Variants in GALNTL6 observed in about 807,000 individuals in gnomAD.
GALNTL6 encodes the protein polypeptide N-acetylgalactosaminyltransferase like 6.
Under a neutral mutation model 73.7 loss-of-function variants are expected in GALNTL6, and 46 were observed. That is an observed-to-expected ratio of 0.62 (90% CI 0.49 to 0.80). The LOEUF is 0.80. Among genes scored for constraint, GALNTL6 ranks in the 30% least tolerant of loss-of-function variants. GALNTL6 has a pLI of 0.00. For missense variants in GALNTL6, 604 were observed against 755.0 expected, an observed-to-expected ratio of 0.80 and a Z score of 2.34; for synonymous variants, 259 against 263.7, an observed-to-expected ratio of 0.98 and a Z score of 0.17.
intron 5 of GALNTL6, among the ~76,000 whole-genome samples, chr4:172,675,676 C>T (rs538694284): frequency 1.3e-4 from 20 of 152,178 alleles, no homozygotes; most frequent in African/African-American, 4.3e-4. Context: ...ATGCATGGCC[C>T]AAAGTCACAT....
intron 8 of GALNTL6, among the ~76,000 whole-genome samples, chr4:172,886,765 C>CA (rs201913301): frequency 0.078 from 11,075 of 142,642 alleles, 740 homozygotes; most frequent in East Asian, 0.21. Context: ...AACTCCATCT[C>CA]AAAAAAAAAA....
chr4:172,282,638 T>C (rs1037842783), intron 3 of GALNTL6, among the ~76,000 whole-genome samples: 1 of 148,242 alleles, frequency 6.7e-6, no homozygotes, highest in African/African-American at 2.5e-5. Flanking sequence ...GACACATTGT[T>C]ATGTGTGGAG....
chr4:172,676,656 TG>T (rs1397272894), intron 5 of GALNTL6, among the ~76,000 whole-genome samples: 1 of 152,194 alleles, frequency 6.6e-6, no homozygotes, highest in East Asian at 1.9e-4. Context: ...ATTCTCCACA[TG>T]ACTCATAAAA....
chr4:172,837,787 A>G (rs1360273218), intron 7 of GALNTL6, among the ~76,000 whole-genome samples: 1 of 152,232 alleles, frequency 6.6e-6, no homozygotes, highest in African/African-American at 2.4e-5. Context: ...AGATGAGGAA[A>G]GGACAATTCA....
At chr4:172,007,367 A>G (rs1352086628) in intron 2 of GALNTL6, among the ~76,000 whole-genome samples, 2 of 152,068 alleles carry the variant, frequency 1.3e-5, no homozygotes, top group Non-Finnish European at 2.9e-5. Flanking sequence ...ATATGGAGAC[A>G]TGTATTTAGT....
At chr4:172,215,679 G>A (rs1023756992) in intron 2 of GALNTL6, among the ~76,000 whole-genome samples, 2 of 152,044 alleles carry the variant, frequency 1.3e-5, no homozygotes, top group African/African-American at 4.8e-5. Flanking sequence ...AAAAATCTCT[G>A]TGATTTAACT....
intron 5 of GALNTL6, among the ~76,000 whole-genome samples, chr4:172,581,081 T>C (rs1000770213): frequency 2.6e-5 from 4 of 152,180 alleles, no homozygotes; most frequent in African/African-American, 9.6e-5. Flanking sequence ...CTAAAATTTA[T>C]ATACAACATC....
In GALNTL6 at chr4:172,750,338, T is replaced by G. The variant is rs530176150; in HGVS notation, c.554-59023T>G. On this transcript the variant is annotated intron_variant, in intron 5 of 12. Transcript: ENST00000506823. ...TGTGGTTCACAAAGGAAGTCTTCTATCTAATCAAGATTCCTTATTTCTCTT... is the reference window on the plus strand; with the variant it reads ...TGTGGTTCACAAAGGAAGTCTTCTAGCTAATCAAGATTCCTTATTTCTCTT... Among the ~76,000 whole-genome samples, 34 of 152,340 alleles carry G rather than the reference T, an allele frequency of 2.2e-4. 1 individual carries two copies. In the South Asian group the frequency reaches 5.6e-3, roughly 25 times the overall value.
At chr4:172,905,049 A>G (rs1746812666) in intron 8 of GALNTL6, among the ~76,000 whole-genome samples, 4 of 152,314 alleles carry the variant, frequency 2.6e-5, no homozygotes, top group African/African-American at 4.8e-5. Flanking sequence ...TATTCTTTCT[A>G]TGGCGATGAT....
chr4:172,268,821 G>A (rs1309449477), intron 3 of GALNTL6, among the ~76,000 whole-genome samples: 2 of 152,132 alleles, frequency 1.3e-5, no homozygotes, highest in Non-Finnish European at 2.9e-5. Context: ...GCAAAAAGGC[G>A]ACTTCTACAA....
At chr4:172,735,503 G>C (rs1661633332) in intron 5 of GALNTL6, among the ~76,000 whole-genome samples, 1 of 152,178 alleles carries the variant, frequency 6.6e-6, no homozygotes, top group South Asian at 2.1e-4. Context: ...AGGCAGAAGG[G>C]ACTTGCCTTG....
intron 5 of GALNTL6, among the ~76,000 whole-genome samples, chr4:172,595,268 G>A (rs1416510219): frequency 6.6e-6 from 1 of 152,080 alleles, no homozygotes; most frequent in African/African-American, 2.4e-5. Flanking sequence ...CAAGGAGAGT[G>A]CTTTTAAAAC....
chr4:172,621,145 C>G (rs1738935845), intron 5 of GALNTL6, among the ~76,000 whole-genome samples: 1 of 152,162 alleles, frequency 6.6e-6, no homozygotes, highest in Non-Finnish European at 1.5e-5. Flanking sequence ...TGCAGAATTT[C>G]ATTTTGGTTT....
intron 8 of GALNTL6, among the ~76,000 whole-genome samples, chr4:172,916,277 C>T (rs567853994): frequency 6.6e-6 from 1 of 152,108 alleles, no homozygotes; most frequent in Non-Finnish European, 1.5e-5. Context: ...ATGACAAACC[C>T]ACAGCCAATA....
At chr4:172,156,043 G>A (rs1437056516) in intron 2 of GALNTL6, among the ~76,000 whole-genome samples, 5 of 152,092 alleles carry the variant, frequency 3.3e-5, no homozygotes, top group African/African-American at 1.2e-4. Flanking sequence ...ACAGGAGGCG[G>A]TGTGGAGCTA....
At chr4:171,889,406 A>G (rs935656669) in intron 2 of GALNTL6, among the ~76,000 whole-genome samples, 1 of 152,104 alleles carries the variant, frequency 6.6e-6, no homozygotes, top group Admixed American at 6.6e-5. Flanking sequence ...ATTTTCCAGA[A>G]AATTGTGTGC....
rs183162447 is a variant in GALNTL6, at chr4:172,501,090, A to T, written c.553+152401A>T. ...GGTAGAACTAAATATACATGCACACACTTCCACAAATGAGTACATGCATAA... is the reference window on the plus strand; with the variant it reads ...GGTAGAACTAAATATACATGCACACTCTTCCACAAATGAGTACATGCATAA... On this transcript the variant is annotated intron_variant, in intron 5 of 12. Transcript: ENST00000506823. 3.3e-5 allele frequency among the ~76,000 whole-genome samples: 5 copies of T among 152,240 alleles called. 1 individual carries two copies. The South Asian group carries it at 6.2e-4, about 19-fold the overall frequency.
intron 7 of GALNTL6, among the ~76,000 whole-genome samples, chr4:172,819,706 T>C (rs1022861941): frequency 6.6e-6 from 1 of 152,206 alleles, no homozygotes; most frequent in Non-Finnish European, 1.5e-5. Flanking sequence ...CTATGAAATA[T>C]GTAATTTTTA....
At chr4:172,855,979 G>C (rs1218022650) in intron 7 of GALNTL6, among the ~76,000 whole-genome samples, 1 of 152,132 alleles carries the variant, frequency 6.6e-6, no homozygotes, top group Admixed American at 6.5e-5. Context: ...TTTCCTCCCG[G>C]TTGTCCAGGC....
Sources: allele counts gnomAD v4.1 joint callset (sites outside exome capture counted in the v4.1 genomes callset), GRCh38; gene constraint gnomAD v4.1.1; transcripts MANE v1.5; gene names NCBI Gene and HGNC (gene_info 2026-07-23, HGNC 2026-07-21).